Variants in DCPS observed in about 807,000 individuals in gnomAD.
DCPS encodes the protein m7GpppX diphosphatase.
DCPS carries 27 observed loss-of-function variants against 34.7 expected under a neutral mutation model. That is an observed-to-expected ratio of 0.78 (90% CI 0.57 to 1.07). DCPS has a LOEUF of 1.07. Ranked by LOEUF, DCPS falls within the 50% of genes least tolerant of loss-of-function variation. The pLI is 0.00. For synonymous variants in DCPS, 185 were observed against 185.7 expected (o/e 1.00, Z 0.03); for missense variants, 464 against 436.9 (o/e 1.06, Z -0.55).
At chr11:126,321,910 A>G (rs1266982244) in intron 2 of DCPS, among the ~76,000 whole-genome samples, 2 of 152,228 alleles carry the variant, frequency 1.3e-5, no homozygotes. Flanking sequence ...AAACTTCCTT[A>G]AAAGTTGAGC....
rs760910137 is a variant in DCPS at position 126,343,386 on chromosome 11, C to T, written c.716C>T (p.Pro239Leu). 41 of 1,613,726 alleles carry T rather than the reference C, an allele frequency of 2.5e-5. 1 individual carries two copies. Among genetic ancestry groups the T allele is most frequent in the South Asian group, 2.3e-4 (21 of 91,024 alleles). Residue 239 changes from proline to leucine, a missense_variant, in exon 5 of 6, where the codon CCG becomes CTG. Pro to Leu is a moderately conservative substitution (Grantham distance 98, BLOSUM62 -3). Coordinates refer to ENST00000263579, the MANE Select transcript of DCPS (RefSeq NM_014026.6). ...CGCGACCTTACTCCGGAGCACTTGC[C>T]GCTGCTCAGGAACATCCTCCACCAG... ...SLRDLTPEHL[P>L]LLRNILHQGQ...
Position 126,349,608 on chromosome 11 carries a change from A to G in DCPS, c.*3995A>G, listed in dbSNP as rs1299684375. Among the ~76,000 whole-genome samples the G allele has an allele frequency of 6.6e-6, 1 of 152,230 alleles. No homozygotes were observed. The highest frequency in any genetic ancestry group is 1.5e-5 in the Non-Finnish European group (1 of 68,040). ...CCGAACTGAGAAATAAGAAACAACT[A>G]CATACGAAGTAATACTTGAAAATGT... On this transcript the variant is annotated 3_prime_UTR_variant, in exon 6 of 6. Transcript: ENST00000263579. The surrounding 1 kb of genome is among the most constrained non-coding windows in gnomAD (Gnocchi z 5.4).
In DCPS at chr11:126,306,787, G is replaced by A. The variant is rs755375629; in HGVS notation, c.376+43G>A. ...AGGGTGGCTGTATGGAGGGAGAATG[G>A]GATGGTGGGAAATTAGGTGGTATGG... On this transcript the variant is annotated intron_variant, in intron 2 of 5. Coordinates refer to ENST00000263579, the MANE Select transcript of DCPS (RefSeq NM_014026.6). The A allele has an allele frequency of 1.5e-5, 24 of 1,567,888 alleles. No homozygotes were observed. In the Admixed American group the frequency reaches 4.2e-4, roughly 27 times the overall value.
At position 126,345,883 on chromosome 11, in the gene DCPS, T is replaced by C. The variant is rs1951922316; in HGVS notation, c.*270T>C. The C allele has an allele frequency of 1.9e-6, 1 of 525,278 alleles. No individual in the cohort carries two copies. Among genetic ancestry groups the C allele is most frequent in the East Asian group, 3.6e-5 (1 of 28,124 alleles). 32.5% of individuals were successfully genotyped at this position (525,278 alleles called of 1,614,324 possible). On this transcript the variant is annotated 3_prime_UTR_variant, in exon 6 of 6. Coordinates refer to ENST00000263579, the MANE Select transcript of DCPS (RefSeq NM_014026.6). The surrounding 1 kb of genome is among the most constrained non-coding windows in gnomAD (Gnocchi z 7.4). ...TTCAACTGACAGGTGGGAGCTGCCC[T>C]GGAAGGGTGCCGAGGGCCTTCTCCA...
In DCPS at chr11:126,323,412, C is replaced by G. The variant is rs1951720975; in HGVS notation, c.377-7993C>G. Among the ~76,000 whole-genome samples the G allele has an allele frequency of 6.6e-6, 1 of 152,104 alleles. No homozygotes were observed. Among genetic ancestry groups the G allele is most frequent in the African/African-American group, 2.4e-5 (1 of 41,408 alleles). On this transcript the variant is annotated intron_variant, in intron 2 of 5. Transcript: ENST00000263579. The surrounding 1 kb of genome is among the most constrained non-coding windows in gnomAD (Gnocchi z 4.4). ...TCCATTGTAATATTATATATGCAAG[C>G]TGATGCATGTATTTTTCAAAGCAGG... is the stretch of plus-strand genomic sequence containing the variant.
At position 126,329,776 on chromosome 11, in the gene DCPS, C is replaced by T. The variant is rs1335976683; in HGVS notation, c.377-1629C>T. ...AAAGCGGGGTTAAAACCACCTATGA[C>T]CTCAGACCAAATATGAAAGTATAGG... On this transcript the variant is annotated intron_variant, in intron 2 of 5. Transcript: ENST00000263579. The surrounding 1 kb of genome is among the most constrained non-coding windows in gnomAD (Gnocchi z 5.0). 6.6e-6 allele frequency among the ~76,000 whole-genome samples: 1 copy of T among 152,302 alleles called. No individual in the cohort carries two copies. The highest frequency in any genetic ancestry group is 6.5e-5 in the Admixed American group (1 of 15,296).
Position 126,304,129 on chromosome 11 carries a change from G to A in DCPS, c.49G>A (p.Val17Met), listed in dbSNP as rs1591378676. The A allele has an allele frequency of 6.2e-7, 1 of 1,614,026 alleles. No individual in the cohort carries two copies. The highest frequency in any genetic ancestry group is 1.3e-5 in the African/African-American group (1 of 75,082). Reference sequence around the variant, plus strand: ...AGGCAAGAGGAAGCGCGAATTGGACGTGGAGGAGGCCCACGCCGCCAGCAC... The same window carrying A: ...AGGCAAGAGGAAGCGCGAATTGGACATGGAGGAGGCCCACGCCGCCAGCAC... ...QLGKRKRELD[V>M]EEAHAASTEE... The change falls in exon 1 of 6, where the codon GTG becomes ATG. Residue 17 changes from valine to methionine, a missense_variant. Transcript: ENST00000263579.
At chr11:126,326,861 T>G (rs1334042499) in intron 2 of DCPS, among the ~76,000 whole-genome samples, 2 of 151,364 alleles carry the variant, frequency 1.3e-5, no homozygotes. Flanking sequence ...AGGCGGAGCT[T>G]GCAGTGAGCC....
At chr11:126,304,394 C>G (rs752873673) in intron 1 of DCPS, 113 bp downstream of exon 1, 2 of 1,261,438 alleles carry the variant, frequency 1.6e-6, no homozygotes, top group Non-Finnish European at 2.2e-6. Flanking sequence ...CATTATCACT[C>G]CGGGGAGGCG....
chr11:126,338,217 C>T lies in DCPS; in HGVS notation c.523-69C>T, dbSNP rs1187090462. The stretch of plus-strand genomic sequence containing the variant: ...TGGAGAGGCCAGGGAATGCCCTGAG[C>T]TCAGTTTGGGGTATCTCTCAAGGGG... On this transcript the variant is annotated intron_variant, in intron 3 of 5. Transcript: ENST00000263579. The surrounding 1 kb of genome is among the most constrained non-coding windows in gnomAD (Gnocchi z 5.4). 3 of 1,472,944 alleles carry T rather than the reference C, an allele frequency of 2.0e-6. No individual in the cohort carries two copies. In the Admixed American group the frequency reaches 5.2e-5, roughly 26 times the overall value. 91.2% of individuals were successfully genotyped at this position (1,472,944 alleles called of 1,614,324 possible).
At position 126,323,430 on chromosome 11, in the gene DCPS, A is replaced by G. The variant is rs1951721089; in HGVS notation, c.377-7975A>G. On this transcript the variant is annotated intron_variant, in intron 2 of 5. Coordinates refer to ENST00000263579, the MANE Select transcript of DCPS (RefSeq NM_014026.6). This position sits in a 1 kb window ranked among gnomAD's most constrained non-coding sequence, Gnocchi z 4.4. ...ATGCAAGCTGATGCATGTATTTTTC[A>G]AAGCAGGTGTACTTTAATGGTTAAA... Among the ~76,000 whole-genome samples the G allele has an allele frequency of 3.9e-5, 6 of 152,232 alleles. No individual in the cohort carries two copies. Among genetic ancestry groups the G allele is most frequent in the Admixed American group, 3.9e-4 (6 of 15,276 alleles).
chr11:126,314,262 C>T (rs1951641181), intron 2 of DCPS, among the ~76,000 whole-genome samples: 1 of 152,226 alleles, frequency 6.6e-6, no homozygotes, highest in African/African-American at 2.4e-5. Flanking sequence ...CATGTTGCAG[C>T]AAACGACATG....
At position 126,342,267 on chromosome 11, in the gene DCPS, T is replaced by C. The variant is rs1951881201; in HGVS notation, c.637-1040T>C. On this transcript the variant is annotated intron_variant, in intron 4 of 5. Coordinates refer to ENST00000263579, the MANE Select transcript of DCPS (RefSeq NM_014026.6). The surrounding 1 kb of genome is among the most constrained non-coding windows in gnomAD (Gnocchi z 4.4). ...TCTTGACTTTGATTCTTTGTACTGT[T>C]GTGACCTCCAGGTTTTCAGCCAGGT... is the stretch of plus-strand genomic sequence containing the variant. 2 of 152,376 alleles carry C rather than the reference T, an allele frequency of 1.3e-5. No individual in the cohort carries two copies. The highest frequency in any genetic ancestry group is 4.8e-5 in the African/African-American group (2 of 41,466). The allele number at this position is 152,376 out of a possible 1,614,324, so 9.4% of individuals were successfully genotyped here. A position where few individuals can be genotyped will look rare whatever the true frequency, so the allele number is the denominator to read the frequency against.
At position 126,332,529 on chromosome 11, in the gene DCPS, G is replaced by A. The variant is rs1951801552; in HGVS notation, c.522+979G>A. Among the ~76,000 whole-genome samples, 1 of 152,210 alleles carries A rather than the reference G, an allele frequency of 6.6e-6. No individual in the cohort carries two copies. The highest frequency in any genetic ancestry group is 1.5e-5 in the Non-Finnish European group (1 of 68,030). On this transcript the variant is annotated intron_variant, in intron 3 of 5. Coordinates refer to ENST00000263579, the MANE Select transcript of DCPS (RefSeq NM_014026.6). The surrounding 1 kb of genome is among the most constrained non-coding windows in gnomAD (Gnocchi z 5.4). ...ACTGTGGTGGAGGGTGTTGTGATGTGAGGAACTCACAGCCACTCCTCCCTG... is the reference window on the plus strand; with the variant it reads ...ACTGTGGTGGAGGGTGTTGTGATGTAAGGAACTCACAGCCACTCCTCCCTG...
Position 126,328,101 on chromosome 11 carries a change from T to C in DCPS, c.377-3304T>C, listed in dbSNP as rs589442. Among the ~76,000 whole-genome samples, 37,422 of 151,952 alleles carry C rather than the reference T, an allele frequency of 0.25. 4,595 individuals carry two copies. Among genetic ancestry groups the C allele is most frequent in the Admixed American group, 0.26 (4,029 of 15,276 alleles). On this transcript the variant is annotated intron_variant, in intron 2 of 5. Transcript: ENST00000263579. This position sits in a 1 kb window ranked among gnomAD's most constrained non-coding sequence, Gnocchi z 6.6. ...CCGTGGGAGCGGCCAGGGCACGGCC[T>C]GGAGAGGAGCCCATGGCTGACGCGA...
At position 126,337,625 on chromosome 11, in the gene DCPS, A is replaced by G. The variant is rs560657488; in HGVS notation, c.523-661A>G. 1.0e-4 allele frequency: 16 copies of G among 153,112 alleles called. No homozygotes were observed. The highest frequency in any genetic ancestry group is 3.6e-4 in the African/African-American group (15 of 41,566). 9.5% of individuals were successfully genotyped at this position (153,112 alleles called of 1,614,324 possible). A position where few individuals can be genotyped will look rare whatever the true frequency, so the allele number is the denominator to read the frequency against. ...GTGAGGTCACTGTCTCTGTGTCTCT[A>G]CATAGCTTTCGTTTCTGCTTTGCCA... On this transcript the variant is annotated intron_variant, in intron 3 of 5. Coordinates refer to ENST00000263579, the MANE Select transcript of DCPS (RefSeq NM_014026.6). This position sits in a 1 kb window ranked among gnomAD's most constrained non-coding sequence, Gnocchi z 5.3.
Position 126,309,771 on chromosome 11 carries a change from G to T in DCPS, c.376+3027G>T, listed in dbSNP as rs1951606223. On this transcript the variant is annotated intron_variant, in intron 2 of 5. Transcript: ENST00000263579. ...AGCTTTTCCCTGGGTGATATTTGAG[G>T]TCAGGATTGTCAAACTTTTTCTGTC... Among the ~76,000 whole-genome samples the T allele has an allele frequency of 3.3e-5, 5 of 152,112 alleles. No individual in the cohort carries two copies. The South Asian group carries it at 1.0e-3, about 31-fold the overall frequency.
rs1054981365 is a variant in DCPS, at chr11:126,328,825, T to C, written c.377-2580T>C. 2.0e-5 allele frequency among the ~76,000 whole-genome samples: 3 copies of C among 152,192 alleles called. No homozygotes were observed. Among genetic ancestry groups the C allele is most frequent in the South Asian group, 2.1e-4 (1 of 4,828 alleles). On this transcript the variant is annotated intron_variant, in intron 2 of 5. Coordinates refer to ENST00000263579, the MANE Select transcript of DCPS (RefSeq NM_014026.6). The surrounding 1 kb of genome is among the most constrained non-coding windows in gnomAD (Gnocchi z 6.6). The stretch of plus-strand genomic sequence containing the variant: ...AGCCTGGGGGGAGCGCTTTTCTCCA[T>C]GTGAGGCACTTCCTGAATCTTTCCT...
rs544196949 is a variant in DCPS, at chr11:126,316,602, C to T, written c.376+9858C>T. 6.6e-5 allele frequency among the ~76,000 whole-genome samples: 10 copies of T among 151,864 alleles called. No homozygotes were observed. In the East Asian group the frequency reaches 7.7e-4, roughly 12 times the overall value. On this transcript the variant is annotated intron_variant, in intron 2 of 5. Transcript: ENST00000263579. ...TGAGTTAGATGTTTTCTGTATTCTA[C>T]GTCTGTTTCTTTCTTGTTTTACTCT...
Sources: allele counts gnomAD v4.1 joint callset (sites outside exome capture counted in the v4.1 genomes callset), GRCh38; gene constraint gnomAD v4.1.1; non-coding constraint Gnocchi (gnomAD v3.1); transcripts MANE v1.5; gene names NCBI Gene and HGNC (gene_info 2026-07-23, HGNC 2026-07-21).